Variants in PCDH11X observed in about 807,000 individuals in gnomAD.
PCDH11X encodes the protein protocadherin-11 X-linked.
PCDH11X carries 18 observed loss-of-function variants against 53.3 expected under a neutral mutation model. That is an observed-to-expected ratio of 0.34 (90% confidence interval 0.23 to 0.50). PCDH11X has a LOEUF of 0.50. Ranked by LOEUF, PCDH11X falls within the 20% of genes least tolerant of loss-of-function variation. The probability of loss-of-function intolerance (pLI) is 0.98; values close to 1 mark genes in which losing one functional copy is unlikely to be tolerated. For synonymous variants in PCDH11X, 279 were observed against 393.3 expected (o/e 0.71, Z 3.44); for missense variants, 570 against 1,032.4 (o/e 0.55, Z 6.14).
At chrX:91,903,836 G>A (rs901479027) in intron 6 of PCDH11X, among the ~76,000 whole-genome samples, 1 of 110,887 alleles carries the variant, frequency 9.0e-6, no homozygotes, top group Non-Finnish European at 1.9e-5. Context: ...AACAAAATAA[G>A]GGATAAGGGC....
chrX:92,532,571 C>G (rs2074577169), intron 10 of PCDH11X, among the ~76,000 whole-genome samples: 1 of 108,270 alleles, frequency 9.2e-6, no homozygotes, highest in South Asian at 4.0e-4. Flanking sequence ...CCTTTGGAAG[C>G]AGTGAGATTT....
intron 9 of PCDH11X, among the ~76,000 whole-genome samples, chrX:92,401,523 C>T (rs2148589143): frequency 9.0e-6 from 1 of 110,885 alleles, no homozygotes; most frequent in Admixed American, 9.7e-5. Context: ...TACATGAGAC[C>T]AAGCCATTTC....
chrX:92,100,659 C>G (rs1057249070), intron 6 of PCDH11X, among the ~76,000 whole-genome samples: 1 of 110,855 alleles, frequency 9.0e-6, no homozygotes, highest in Non-Finnish European at 1.9e-5. Context: ...ACAGGGGATG[C>G]GATGGCTTGG....
chrX:92,505,162 T>C (rs2074031311), intron 10 of PCDH11X, among the ~76,000 whole-genome samples: 1 of 56,054 alleles, frequency 1.8e-5, no homozygotes, highest in Non-Finnish European at 4.4e-5. Context: ...CTTTTTTTTT[T>C]TTTTGTTTTT....
intron 9 of PCDH11X, among the ~76,000 whole-genome samples, chrX:92,455,629 A>T (rs1472018910): frequency 3.2e-5 from 1 of 30,802 alleles, no homozygotes; most frequent in Non-Finnish European, 5.8e-5. Context: ...ACAACAGTTT[A>T]ATGAAAATTT....
chrX:92,150,325 A>G (rs1603056558), intron 6 of PCDH11X, among the ~76,000 whole-genome samples: 1 of 110,797 alleles, frequency 9.0e-6, no homozygotes, highest in East Asian at 2.8e-4. Context: ...ATTATTGCTT[A>G]AATTTACATT....
At chrX:91,992,095 C>T (rs2062337587) in intron 6 of PCDH11X, among the ~76,000 whole-genome samples, 1 of 106,972 alleles carries the variant, frequency 9.3e-6, no homozygotes, top group African/African-American at 3.4e-5. Flanking sequence ...TGGAGGGATG[C>T]TATTCTGCTC....
intron 9 of PCDH11X, among the ~76,000 whole-genome samples, chrX:92,441,048 C>T (rs1012295025): frequency 5.4e-5 from 6 of 110,900 alleles, no homozygotes; most frequent in Non-Finnish European, 9.4e-5. Flanking sequence ...AGCAAAGAGA[C>T]GGATGGCACT....
At chrX:92,465,732 G>A (rs1413176640) in intron 9 of PCDH11X, among the ~76,000 whole-genome samples, 7 of 111,255 alleles carry the variant, frequency 6.3e-5, no homozygotes, top group Admixed American at 4.8e-4. Context: ...CGATAATGTA[G>A]CATGTTTTGG....
chrX:92,492,862 C>G (rs1167603158), intron 10 of PCDH11X, among the ~76,000 whole-genome samples: 2 of 110,123 alleles, frequency 1.8e-5, no homozygotes, highest in African/African-American at 6.6e-5. Context: ...TTATGATAAT[C>G]TCTTCTTTCA....
Position 92,191,966 on chromosome X carries a change from A to C in PCDH11X, c.3034-9409A>C, listed in dbSNP as rs182441439. On this transcript the variant is annotated intron_variant, in intron 6 of 10. Transcript: ENST00000682573. Reference sequence around the variant, plus strand: ...TAGTGAGAGTTTGTTTCTACCTAGAATCTTGATCTAAGTGAATACATAAAT... The same window carrying C: ...TAGTGAGAGTTTGTTTCTACCTAGACTCTTGATCTAAGTGAATACATAAAT... Among the ~76,000 whole-genome samples the C allele has an allele frequency of 5.4e-5, 6 of 111,969 alleles. No homozygotes were observed. In the East Asian group the frequency reaches 1.7e-3, roughly 31 times the overall value.
At chrX:91,886,799 G>A (rs1240741652) in intron 6 of PCDH11X, among the ~76,000 whole-genome samples, 111 of 107,907 alleles carry the variant, frequency 1.0e-3, no homozygotes, top group Non-Finnish European at 1.4e-3. Flanking sequence ...GTGAAACCCC[G>A]TCTCTACTAA....
At chrX:91,790,404 T>C (rs1236064509) in intron 1 of PCDH11X, among the ~76,000 whole-genome samples, 37 of 112,243 alleles carry the variant, frequency 3.3e-4, no homozygotes, top group Non-Finnish European at 6.6e-4. Flanking sequence ...CTTAGTATAG[T>C]ATAGACCCCT....
At chrX:91,957,230 T>C (rs890139121) in intron 6 of PCDH11X, among the ~76,000 whole-genome samples, 2 of 109,925 alleles carry the variant, frequency 1.8e-5, no homozygotes, top group Non-Finnish European at 1.9e-5. Flanking sequence ...TGGTTTGTTA[T>C]TACCCACTTC....
intron 8 of PCDH11X, among the ~76,000 whole-genome samples, chrX:92,333,223 G>T (rs2069534474): frequency 9.1e-6 from 1 of 109,774 alleles, no homozygotes; most frequent in African/African-American, 3.3e-5. Flanking sequence ...GACACCTGAT[G>T]AATAACGTTG....
chrX:92,099,058 C>T, intron 6 of PCDH11X, among the ~76,000 whole-genome samples: 1 of 112,147 alleles, frequency 8.9e-6, no homozygotes, highest in African/African-American at 3.2e-5. Context: ...AAAGTATAGG[C>T]TAGTAACTCA....
intron 6 of PCDH11X, among the ~76,000 whole-genome samples, chrX:92,004,910 G>A (rs1301325897): frequency 9.2e-6 from 1 of 108,180 alleles, no homozygotes; most frequent in Non-Finnish European, 1.9e-5. Context: ...CAAGTAGCTG[G>A]GACTACGGGC....
In PCDH11X at chrX:92,618,687, T is replaced by A. The variant is rs759122238; in HGVS notation, c.3791T>A (p.Val1264Asp). The change falls in exon 11 of 11, where the codon GTT becomes GAT. Residue 1264 changes from valine to aspartate, a missense_variant. Val to Asp is a radical substitution (Grantham distance 152, BLOSUM62 -3). This residue lies in a region of PCDH11X where 234 missense variants were observed against 296.1 expected (regional missense o/e 0.79). Transcript: ENST00000682573. ...AGCCACAGCTCTCCTCTGCCACAGG[T>A]TATTGCCCTCCATCGTAGTCAGGCC... ...AISHSSPLPQ[V>D]IALHRSQAQS... is the part of the protein sequence containing the mutation. 76 of 1,210,568 alleles carry A rather than the reference T, an allele frequency of 6.3e-5. No homozygotes were observed. Among genetic ancestry groups the A allele is most frequent in the Non-Finnish European group, 8.0e-5 (72 of 895,312 alleles).
intron 8 of PCDH11X, among the ~76,000 whole-genome samples, chrX:92,286,085 C>A (rs1229297911): frequency 9.0e-6 from 1 of 111,089 alleles, no homozygotes; most frequent in Non-Finnish European, 1.9e-5. Context: ...CCACAACCTT[C>A]AGCATGGGCA....
Sources: gnomAD v4.1 joint callset for allele counts (sites outside exome capture counted in the v4.1 genomes callset) on GRCh38, gnomAD v4.1.1 for gene constraint, gnomAD v4.1.1 regional missense constraint, MANE v1.5 for transcripts, NCBI Gene and HGNC (gene_info 2026-07-23, HGNC 2026-07-21) for gene names.